The following RNF150 variants were observed in gnomAD, a reference collection of about 807,000 sequenced individuals.
The protein encoded by RNF150 is ring finger protein 150.
A neutral mutation model predicts 39.3 loss-of-function variants in RNF150; 24 were observed. The ratio of observed to expected loss-of-function variants is 0.61; its 90% CI spans 0.44 to 0.86. The LOEUF is 0.86. Among genes scored for constraint, RNF150 ranks in the 40% least tolerant of loss-of-function variants. The probability of loss-of-function intolerance (pLI) is 0.00; values close to 1 mark genes in which losing one functional copy is unlikely to be tolerated. For missense variants in RNF150, 502 were observed against 587.8 expected, an observed-to-expected ratio of 0.85 and a Z score of 1.51; for synonymous variants, 255 against 227.3, an observed-to-expected ratio of 1.12 and a Z score of -1.10.
At chr4:141,017,748 T>C (rs1405476622) in intron 1 of RNF150, among the ~76,000 whole-genome samples, 1 of 152,240 alleles carries the variant, frequency 6.6e-6, no homozygotes, top group Non-Finnish European at 1.5e-5. Context: ...AATCATATTG[T>C]ATGTAATCTT....
At chr4:140,930,662 T>C (rs1731592114) in intron 4 of RNF150, among the ~76,000 whole-genome samples, 1 of 152,236 alleles carries the variant, frequency 6.6e-6, no homozygotes, top group Admixed American at 6.5e-5. Context: ...CCCTCCTGCA[T>C]TGGCTCATCA....
At chr4:140,896,694 AAAAAAAC>A (rs774886410) in intron 6 of RNF150, among the ~76,000 whole-genome samples, 8,291 of 97,512 alleles carry the variant, frequency 0.085, 304 homozygotes, top group Middle Eastern at 0.13. Context: ...TAATAAAAAA[AAAAAAAC>A]AAAAAAACAA....
chr4:141,061,141 A>G (rs1342604628), intron 1 of RNF150, among the ~76,000 whole-genome samples: 1 of 151,380 alleles, frequency 6.6e-6, no homozygotes, highest in Non-Finnish European at 1.5e-5. Flanking sequence ...GTATAATAAT[A>G]AAAAAAAGTA....
intron 1 of RNF150, among the ~76,000 whole-genome samples, chr4:141,129,302 G>T (rs141186250): frequency 6.6e-6 from 1 of 152,154 alleles, no homozygotes; most frequent in Non-Finnish European, 1.5e-5. Flanking sequence ...AAGTACTGAC[G>T]CATGCTACAA....
intron 2 of RNF150, among the ~76,000 whole-genome samples, chr4:140,957,382 A>G (rs1380016274): frequency 6.6e-6 from 1 of 152,072 alleles, no homozygotes; most frequent in Non-Finnish European, 1.5e-5. Context: ...AATGGTGATC[A>G]TTAAAAAGTC....
intron 2 of RNF150, among the ~76,000 whole-genome samples, chr4:140,964,630 A>G (rs1733162026): frequency 6.6e-6 from 1 of 152,148 alleles, no homozygotes; most frequent in Non-Finnish European, 1.5e-5. Flanking sequence ...GAAGAGTTGA[A>G]TAAGGCGAAA....
At chr4:141,188,982 A>T (rs567579748) in intron 1 of RNF150, among the ~76,000 whole-genome samples, 1 of 152,268 alleles carries the variant, frequency 6.6e-6, no homozygotes, top group African/African-American at 2.4e-5. Flanking sequence ...AATTTTCAGC[A>T]TTTTTTGTGC....
chr4:141,035,059 G>T (rs748786768), intron 1 of RNF150, among the ~76,000 whole-genome samples: 2 of 152,114 alleles, frequency 1.3e-5, no homozygotes, highest in Non-Finnish European at 2.9e-5. Flanking sequence ...AGCAAAAATA[G>T]GTATACTTGT....
chr4:140,955,693 A>G (rs1446850230), intron 2 of RNF150, among the ~76,000 whole-genome samples: 3 of 152,130 alleles, frequency 2.0e-5, no homozygotes, highest in Admixed American at 6.6e-5. Flanking sequence ...TTTCTTCTAG[A>G]GCAGTTTCAG....
intron 1 of RNF150, among the ~76,000 whole-genome samples, chr4:141,179,273 G>T (rs951846976): frequency 6.6e-6 from 1 of 152,032 alleles, no homozygotes; most frequent in Non-Finnish European, 1.5e-5. Context: ...CCTGGAATTT[G>T]TGAGATTCTC....
At position 140,911,199 on chromosome 4, in the gene RNF150, C is replaced by T. The variant is rs748792712; in HGVS notation, c.1143G>A (p.Val381=). Residue 381 remains valine, a synonymous_variant, in exon 6 of 7, where the codon GTG becomes GTA. Coordinates refer to ENST00000515673, the MANE Select transcript of RNF150 (RefSeq NM_020724.2). The part of the protein sequence containing the change: ...PAVRTVGALQ[V]VQDTDPIPQE... ...GGGGGATGGGGTCTGTATCCTGGAC[C>T]ACCTGCAAGGCTCCCACAGTCCGGA... 6.2e-7 allele frequency: 1 copy of T among 1,614,076 alleles called. No homozygotes were observed. The highest frequency in any genetic ancestry group is 8.5e-7 in the Non-Finnish European group (1 of 1,180,006).
Position 140,929,547 on chromosome 4 carries a change from T to C in RNF150, c.891-3474A>G, listed in dbSNP as rs1314105003. 2.6e-5 allele frequency among the ~76,000 whole-genome samples: 4 copies of C among 151,926 alleles called. No individual in the cohort carries two copies. In the East Asian group the frequency reaches 5.8e-4, roughly 22 times the overall value. On this transcript the variant is annotated intron_variant, in intron 4 of 6. Transcript: ENST00000515673. ...ACGCCCAGCTAATTTTCTGTATTTTTAGTAGAGACGGGGTTTCATCGTGTT... is the reference window on the plus strand; with the variant it reads ...ACGCCCAGCTAATTTTCTGTATTTTCAGTAGAGACGGGGTTTCATCGTGTT...
At chr4:141,096,907 A>G (rs1040502259) in intron 1 of RNF150, among the ~76,000 whole-genome samples, 1 of 152,206 alleles carries the variant, frequency 6.6e-6, no homozygotes, top group Non-Finnish European at 1.5e-5. Flanking sequence ...ATGGGCTTCA[A>G]AATTCCTTTG....
intron 1 of RNF150, among the ~76,000 whole-genome samples, chr4:141,180,117 A>C (rs1727880262): frequency 6.6e-6 from 1 of 152,160 alleles, no homozygotes; most frequent in African/African-American, 2.4e-5. Flanking sequence ...ACATAACAAG[A>C]AGTCTGGAGG....
chr4:140,953,299 C>T (rs541445360), intron 2 of RNF150, among the ~76,000 whole-genome samples: 9 of 152,302 alleles, frequency 5.9e-5, no homozygotes, highest in Middle Eastern at 3.4e-3. Flanking sequence ...CTCTTCCATT[C>T]CCTTTCCTGT....
Position 140,975,743 on chromosome 4 carries a change from A to G in RNF150, c.485-7870T>C, listed in dbSNP as rs999542834. ...TGTTCCTCCAGAAGATCCAGAACAG[A>G]GTTGAGTATGTTTAGACAGCCCCAA... On this transcript the variant is annotated intron_variant, in intron 1 of 6. Transcript: ENST00000515673. Among the ~76,000 whole-genome samples the G allele has an allele frequency of 7.9e-5, 12 of 152,248 alleles. No individual in the cohort carries two copies. The East Asian group carries it at 9.7e-4, about 12-fold the overall frequency.
chr4:141,094,907 A>G (rs781120019), intron 1 of RNF150, among the ~76,000 whole-genome samples: 2 of 152,276 alleles, frequency 1.3e-5, no homozygotes, highest in Non-Finnish European at 2.9e-5. Context: ...GCAAATAAAT[A>G]GAACCAAAAT....
chr4:140,932,543 C>A (rs1434161985), intron 4 of RNF150, among the ~76,000 whole-genome samples: 4 of 152,224 alleles, frequency 2.6e-5, no homozygotes, highest in Non-Finnish European at 5.9e-5. Flanking sequence ...CTCACCCCAT[C>A]CTCAAGCTGT....
intron 6 of RNF150, among the ~76,000 whole-genome samples, chr4:140,881,237 A>C (rs1182125562): frequency 6.6e-6 from 1 of 151,516 alleles, no homozygotes. Context: ...ATCTTGGCTC[A>C]CTGCAGCCTC....
Sources: allele counts gnomAD v4.1 joint callset (sites outside exome capture counted in the v4.1 genomes callset), GRCh38; gene constraint gnomAD v4.1.1; transcripts MANE v1.5; gene names NCBI Gene and HGNC (gene_info 2026-07-23, HGNC 2026-07-21).